Variants in ERI1 observed in about 807,000 individuals in gnomAD.
ERI1 encodes 3'-5' exoribonuclease 1.
In ERI1, 39 loss-of-function variants were observed where a neutral mutation model predicts 39.7. The observed-to-expected ratio is 0.98, with a 90% CI of 0.76 to 1.28. ERI1 has a LOEUF of 1.28. ERI1 is among the 50% of genes most tolerant of loss of function. The pLI is 0.00. For synonymous variants in ERI1, 204 were observed against 149.6 expected (o/e 1.36, Z -2.65); for missense variants, 581 against 416.9 (o/e 1.39, Z -3.43).
intron 3 of ERI1, among the ~76,000 whole-genome samples, chr8:9,079,279 A>C (rs1411208114): frequency 6.6e-6 from 1 of 152,230 alleles, no homozygotes; most frequent in Non-Finnish European, 1.5e-5. Context: ...ACTGAAGGCA[A>C]GGGTAAGCCC....
rs1028012995 is a variant in ERI1, at chr8:9,065,544, A to G, written n.299+45080A>G. On this transcript the variant is annotated intron_variant and non_coding_transcript_variant, in intron 3 of 3. Transcript: ENST00000518663. Reference sequence around the variant, plus strand: ...CGCCGTCTCTACTAAAAATACAAAAAATTAGCCAGGCGTAGTGGGGGGCGC... The same window carrying G: ...CGCCGTCTCTACTAAAAATACAAAAGATTAGCCAGGCGTAGTGGGGGGCGC... Among the ~76,000 whole-genome samples, 8 of 151,940 alleles carry G rather than the reference A, an allele frequency of 5.3e-5. No individual in the cohort carries two copies. The East Asian group carries it at 1.2e-3, about 22-fold the overall frequency.
chr8:9,034,541 T>C (rs774908416), downstream of ERI1, among the ~76,000 whole-genome samples: 4 of 152,226 alleles, frequency 2.6e-5, no homozygotes, highest in African/African-American at 7.2e-5. Context: ...CTTTTGATGT[T>C]ACTATCATGG....
At chr8:9,078,502 A>C (rs1016818641) in intron 3 of ERI1, among the ~76,000 whole-genome samples, 1 of 152,184 alleles carries the variant, frequency 6.6e-6, no homozygotes, top group African/African-American at 2.4e-5. Flanking sequence ...TTTTTAACCC[A>C]AAGTGCAGAC....
At chr8:9,010,852 A>G (rs914960405) in intron 2 of ERI1, among the ~76,000 whole-genome samples, 2 of 152,174 alleles carry the variant, frequency 1.3e-5, no homozygotes, top group Non-Finnish European at 2.9e-5. Flanking sequence ...TTTTAAAGCT[A>G]CCTATAATAT....
Position 9,067,093 on chromosome 8 carries a change from A to G in ERI1, n.299+46629A>G, listed in dbSNP as rs1446429782. Among the ~76,000 whole-genome samples the G allele has an allele frequency of 6.6e-5, 10 of 152,162 alleles. 1 individual carries two copies. Among genetic ancestry groups the G allele is most frequent in the Non-Finnish European group, 1.5e-5 (1 of 68,034 alleles). ...CTCATTGCCCTACCTATTTCTAAAAATCGCATGAGTCTCCAAAATTGCAAG... is the reference window on the plus strand; with the variant it reads ...CTCATTGCCCTACCTATTTCTAAAAGTCGCATGAGTCTCCAAAATTGCAAG... On this transcript the variant is annotated intron_variant and non_coding_transcript_variant, in intron 3 of 3. Transcript: ENST00000518663.
chr8:9,064,483 T>G lies in ERI1; in HGVS notation n.299+44019T>G, dbSNP rs548141332. 9.7e-5 allele frequency among the ~76,000 whole-genome samples: 14 copies of G among 143,740 alleles called. No homozygotes were observed. In the South Asian group the frequency reaches 3.2e-3, roughly 33 times the overall value. 94.3% of individuals were successfully genotyped at this position (143,740 alleles called of 152,430 possible). A position where few individuals can be genotyped will look rare whatever the true frequency, so the allele number is the denominator to read the frequency against. ...TAGTCCGTGACTGGCACCGGAGTTT[T>G]GGGTCCACGGATAAAACGTGTCTCC... On this transcript the variant is annotated intron_variant and non_coding_transcript_variant, in intron 3 of 3. Transcript: ENST00000518663.
intron 3 of ERI1, among the ~76,000 whole-genome samples, chr8:9,061,742 G>A (rs561968687): frequency 2.0e-4 from 31 of 152,124 alleles, no homozygotes; most frequent in African/African-American, 6.0e-4. Flanking sequence ...GAATTATGCC[G>A]AGATAGGTAA....
Position 9,018,413 on chromosome 8 carries a change from A to G in ERI1, c.692+7A>G. ...ACTCACTTTTAACAGATGGGTAAGT[A>G]TTTAGGAAGATTATTTTTTTATATC... On this transcript the variant is annotated splice_region_variant and intron_variant, in intron 5 of 6. Transcript: ENST00000250263. The G allele has an allele frequency of 7.0e-7, 1 of 1,419,132 alleles. No homozygotes were observed. The allele number at this position is 1,419,132 out of a possible 1,614,324, so 87.9% of individuals were successfully genotyped here.
intron 6 of ERI1, among the ~76,000 whole-genome samples, chr8:9,024,138 G>A (rs1038973495): frequency 2.0e-5 from 3 of 152,064 alleles, no homozygotes; most frequent in Non-Finnish European, 4.4e-5. Context: ...GGGGGCAAAG[G>A]GTGGAAATGG....
chr8:9,002,964 G>A lies in ERI1; in HGVS notation c.-100G>A, dbSNP rs1015700156. On this transcript the variant is annotated 5_prime_UTR_variant, in exon 1 of 7. Coordinates refer to ENST00000250263, the MANE Select transcript of ERI1 (RefSeq NM_153332.4). ...GCCGCCGCCGCGGGAACGCGAGCCC[G>A]GTAATTTTTCAACGGAGAAAGGCGA... 1.1e-5 allele frequency: 10 copies of A among 871,436 alleles called. No individual in the cohort carries two copies. The highest frequency in any genetic ancestry group is 2.5e-4 in the Middle Eastern group (1 of 3,996). 54.0% of individuals were successfully genotyped at this position (871,436 alleles called of 1,614,324 possible).
At chr8:9,016,253 C>CGTCGTGT in intron 3 of ERI1, 69 bp from the exon 4 acceptor site, 3 of 868,158 alleles carry the variant, frequency 3.5e-6, no homozygotes, top group Non-Finnish European at 5.3e-6. Context: ...GTGATGAATT[C>CGTCGTGT]GTCGTGTATC....
At chr8:9,066,956 C>G (rs961664360) in intron 3 of ERI1, among the ~76,000 whole-genome samples, 1 of 152,094 alleles carries the variant, frequency 6.6e-6, no homozygotes, top group Non-Finnish European at 1.5e-5. Flanking sequence ...TGCAATGTGG[C>G]AGATGGGAAT....
At chr8:9,061,242 A>T (rs1481338353) in intron 3 of ERI1, among the ~76,000 whole-genome samples, 2 of 152,230 alleles carry the variant, frequency 1.3e-5, no homozygotes, top group East Asian at 3.9e-4. Context: ...AATATGGGGA[A>T]ATGGGGTGAA....
chr8:9,048,719 A>T (rs1798257328), intron 3 of ERI1, among the ~76,000 whole-genome samples: 2 of 152,100 alleles, frequency 1.3e-5, no homozygotes, highest in South Asian at 4.1e-4. Flanking sequence ...ATCATAGTTG[A>T]CTGCAGCCTC....
intron 6 of ERI1, among the ~76,000 whole-genome samples, chr8:9,025,526 C>T (rs908400573): frequency 6.6e-6 from 1 of 152,208 alleles, no homozygotes; most frequent in Non-Finnish European, 1.5e-5. Flanking sequence ...TTCAACTCAG[C>T]CACTTGATTG....
At chr8:9,093,570 CTGTT>C (rs1485201713) in intron 3 of ERI1, among the ~76,000 whole-genome samples, 4 of 150,582 alleles carry the variant, frequency 2.7e-5, no homozygotes, top group Non-Finnish European at 4.4e-5. Context: ...CAGCTTAAGA[CTGTT>C]TATTTATTTT....
At chr8:9,005,843 G>C (rs1431798073) in intron 1 of ERI1, among the ~76,000 whole-genome samples, 1 of 152,146 alleles carries the variant, frequency 6.6e-6, no homozygotes, top group Admixed American at 6.5e-5. Flanking sequence ...ACCTCTGTTT[G>C]GTATAGAAGA....
At chr8:9,042,624 G>T (rs187675333) in intron 3 of ERI1, among the ~76,000 whole-genome samples, 2 of 152,198 alleles carry the variant, frequency 1.3e-5, no homozygotes, top group Admixed American at 1.3e-4. Context: ...AGATGCGATG[G>T]GTCCTTGTGT....
In ERI1 at chr8:9,090,143, T is replaced by C. The variant is rs116655251; in HGVS notation, n.300-26205T>C. On this transcript the variant is annotated intron_variant and non_coding_transcript_variant, in intron 3 of 3. Coordinates refer to the ERI1 transcript ENST00000518663. ...AGTAATGAAAATCCCACCTTCTCCT[T>C]GTAAGCAAACCTTATCCAAGGACCC... Among the ~76,000 whole-genome samples, 407 of 152,234 alleles carry C rather than the reference T, an allele frequency of 2.7e-3. 4 individuals are homozygous for C. The highest frequency in any genetic ancestry group is 8.4e-3 in the African/African-American group (349 of 41,520).
Sources: gnomAD v4.1 joint callset for allele counts (sites outside exome capture counted in the v4.1 genomes callset) on GRCh38, gnomAD v4.1.1 for gene constraint, MANE v1.5 for transcripts, NCBI Gene and HGNC (gene_info 2026-07-23, HGNC 2026-07-21) for gene names.